The following ZNF831 variants were observed in gnomAD, a reference collection of about 807,000 sequenced individuals.
The protein encoded by ZNF831 is zinc finger protein 831, also known as chromosome 20 open reading frame 174.
Under a neutral mutation model 95.8 loss-of-function variants are expected in ZNF831, and 59 were observed. The observed-to-expected ratio is 0.62, with a 90% CI of 0.50 to 0.77. ZNF831 has a LOEUF of 0.77. Ranked by LOEUF, ZNF831 falls within the 30% of genes least tolerant of loss-of-function variation. ZNF831 has a pLI of 0.00. For missense variants in ZNF831, 2,205 were observed against 2,164.0 expected, an observed-to-expected ratio of 1.02 and a Z score of -0.38; for synonymous variants, 961 against 925.5, an observed-to-expected ratio of 1.04 and a Z score of -0.70.
chr20:59,242,709 G>C (rs1418442281), intron 4 of ZNF831, among the ~76,000 whole-genome samples: 1 of 152,236 alleles, frequency 6.6e-6, no homozygotes, highest in East Asian at 1.9e-4. Flanking sequence ...CTAGGAAAGA[G>C]AAGTACCCTG....
chr20:59,199,797 A>G (rs1984399800), intron 3 of ZNF831, among the ~76,000 whole-genome samples: 2 of 152,090 alleles, frequency 1.3e-5, no homozygotes, highest in South Asian at 4.1e-4. Flanking sequence ...TACCCACATA[A>G]TTGCCCATCT....
intron 2 of ZNF831, among the ~76,000 whole-genome samples, chr20:59,155,523 C>G (rs985401648): frequency 6.6e-6 from 1 of 152,122 alleles, no homozygotes; most frequent in Non-Finnish European, 1.5e-5. Flanking sequence ...GCTCTGTGAT[C>G]TTTAGAATGA....
intron 1 of ZNF831, among the ~76,000 whole-genome samples, chr20:59,137,279 CTT>C (rs11469830): frequency 0.64 from 96,238 of 149,242 alleles, 32,071 homozygotes; most frequent in Non-Finnish European, 0.74. Flanking sequence ...TCCAATACAT[CTT>C]TTTTTTTTTT....
At chr20:59,170,116 CT>C (rs1981606622) in intron 1 of ZNF831, among the ~76,000 whole-genome samples, 3 of 151,758 alleles carry the variant, frequency 2.0e-5, no homozygotes, top group Non-Finnish European at 1.5e-5. Context: ...TTTTCTTTTT[CT>C]TTTTAAACAA....
At chr20:59,146,202 A>G (rs1015614740) in intron 1 of ZNF831, 2 of 144,612 alleles carry the variant, frequency 1.4e-5, no homozygotes, top group Non-Finnish European at 3.0e-5. Context: ...CCCTCCACAC[A>G]CACAATTTTT....
At chr20:59,141,762 A>C (rs1223214113) in intron 1 of ZNF831, among the ~76,000 whole-genome samples, 1 of 152,288 alleles carries the variant, frequency 6.6e-6, no homozygotes. Flanking sequence ...TGATGGTTAC[A>C]ACTTTATTTA....
chr20:59,205,532 G>A (rs925290191), intron 3 of ZNF831, among the ~76,000 whole-genome samples: 1 of 152,186 alleles, frequency 6.6e-6, no homozygotes, highest in South Asian at 2.1e-4. Context: ...CTTTCTCATT[G>A]TTGCTGCCAG....
At chr20:59,143,611 G>A (rs1057478018) in intron 1 of ZNF831, among the ~76,000 whole-genome samples, 2 of 152,334 alleles carry the variant, frequency 1.3e-5, no homozygotes, top group Middle Eastern at 3.4e-3. Flanking sequence ...CATGTCCTGG[G>A]CCTGTGGAAT....
chr20:59,125,810 G>A (rs1195622223), intron 1 of ZNF831, among the ~76,000 whole-genome samples: 4 of 152,122 alleles, frequency 2.6e-5, no homozygotes, highest in East Asian at 1.9e-4. Context: ...ATCTAAAGCC[G>A]TGACTACAGT....
chr20:59,254,315 G>C lies in ZNF831; in HGVS notation c.4606G>C (p.Glu1536Gln). 1.2e-6 allele frequency: 2 copies of C among 1,614,116 alleles called. No homozygotes were observed. Among genetic ancestry groups the C allele is most frequent in the Non-Finnish European group, 1.7e-6 (2 of 1,180,014 alleles). The change falls in exon 6 of 6, where the codon GAG becomes CAG. Residue 1536 changes from glutamate to glutamine, a missense_variant. Transcript: ENST00000371030. This position sits in a 1 kb window ranked among gnomAD's most constrained non-coding sequence, Gnocchi z 4.5. The stretch of plus-strand genomic sequence containing the variant: ...CTCCCCAGACAGCAAAGTCACAGAA[G>C]AGGGCAGAGCACAGACCCTCTTGCC... The part of the protein sequence containing the change: ...SSSPDSKVTE[E>Q]GRAQTLLPGR...
chr20:59,198,977 G>A (rs2146616604), intron 3 of ZNF831, among the ~76,000 whole-genome samples: 1 of 152,166 alleles, frequency 6.6e-6, no homozygotes, highest in African/African-American at 2.4e-5. Context: ...GTATTACTCT[G>A]CCTACCACAC....
At chr20:59,237,719 C>T (rs544067127) in intron 4 of ZNF831, among the ~76,000 whole-genome samples, 18 of 152,112 alleles carry the variant, frequency 1.2e-4, no homozygotes, top group Non-Finnish European at 2.4e-4. Flanking sequence ...TTGTGAGGTG[C>T]TCCCCCCATG....
intron 2 of ZNF831, among the ~76,000 whole-genome samples, chr20:59,157,815 G>A (rs1465622292): frequency 6.6e-6 from 1 of 152,104 alleles, no homozygotes; most frequent in African/African-American, 2.4e-5. Context: ...TCCCAGCCCT[G>A]CCATTTTGTT....
intron 3 of ZNF831, among the ~76,000 whole-genome samples, chr20:59,200,902 G>A (rs766912101): frequency 2.0e-5 from 3 of 151,934 alleles, no homozygotes; most frequent in Non-Finnish European, 4.4e-5. Flanking sequence ...CATTTGGTTT[G>A]TTTCAGTTTG....
At chr20:59,179,334 C>T (rs575921067) in intron 1 of ZNF831, among the ~76,000 whole-genome samples, 7 of 152,162 alleles carry the variant, frequency 4.6e-5, no homozygotes, top group South Asian at 4.1e-4. Context: ...CTTCCTCCTC[C>T]GCACCCATCC....
At chr20:59,138,939 T>A (rs1211686675) in intron 1 of ZNF831, among the ~76,000 whole-genome samples, 1 of 152,138 alleles carries the variant, frequency 6.6e-6, no homozygotes, top group Non-Finnish European at 1.5e-5. Context: ...TTCAGACTGT[T>A]CGCAAATCCC....
At chr20:59,174,976 A>G (rs1386863430) in intron 1 of ZNF831, among the ~76,000 whole-genome samples, 1 of 152,058 alleles carries the variant, frequency 6.6e-6, no homozygotes, top group African/African-American at 2.4e-5. Context: ...TTTCCCCTTC[A>G]TTCCAGGAGG....
intron 4 of ZNF831, among the ~76,000 whole-genome samples, chr20:59,246,957 G>A (rs1460421352): frequency 6.6e-6 from 1 of 152,120 alleles, no homozygotes; most frequent in Non-Finnish European, 1.5e-5. Flanking sequence ...GACATCCAAC[G>A]TCTCCCATTC....
At chr20:59,249,697 T>C (rs1280802892) in intron 4 of ZNF831, among the ~76,000 whole-genome samples, 1 of 152,200 alleles carries the variant, frequency 6.6e-6, no homozygotes, top group Non-Finnish European at 1.5e-5. Flanking sequence ...TGTGCACTTC[T>C]CTACGGATTT....
Sources: gnomAD v4.1 joint callset for allele counts (sites outside exome capture counted in the v4.1 genomes callset) on GRCh38, gnomAD v4.1.1 for gene constraint, Gnocchi (gnomAD v3.1) non-coding constraint, MANE v1.5 for transcripts, NCBI Gene and HGNC (gene_info 2026-07-23, HGNC 2026-07-21) for gene names.